Variants in CNTN1 observed in about 807,000 individuals in gnomAD.
The protein encoded by CNTN1 is contactin-1.
A neutral mutation model predicts 126.4 loss-of-function variants in CNTN1; 38 were observed. That is an observed-to-expected ratio of 0.30 (90% confidence interval 0.23 to 0.39). The LOEUF is 0.39. Ranked by LOEUF, CNTN1 falls within the 10% of genes least tolerant of loss-of-function variation. The pLI is 1.00. For missense variants in CNTN1, 1,009 were observed against 1,248.4 expected, an observed-to-expected ratio of 0.81 and a Z score of 2.89; for synonymous variants, 413 against 422.6, an observed-to-expected ratio of 0.98 and a Z score of 0.28.
chr12:40,871,206 A>AC (rs1943480793), intron 1 of CNTN1, among the ~76,000 whole-genome samples: 2 of 110,780 alleles, frequency 1.8e-5, no homozygotes, highest in Admixed American at 8.5e-5. Context: ...AAAAAAAAAA[A>AC]AAAAAAAACA....
intron 1 of CNTN1, among the ~76,000 whole-genome samples, chr12:40,717,466 AT>A (rs775341798): frequency 4.9e-4 from 74 of 152,170 alleles, no homozygotes; most frequent in Admixed American, 3.3e-3. Context: ...CGACCTAAAA[AT>A]TTTTTTCTTC....
intron 1 of CNTN1, among the ~76,000 whole-genome samples, chr12:40,798,139 A>G (rs372247536): frequency 6.6e-6 from 1 of 151,992 alleles, no homozygotes; most frequent in African/African-American, 2.4e-5. Flanking sequence ...AAAAATTCTT[A>G]TCCTTCAAAC....
chr12:41,039,985 A>G (rs977894811), intron 23 of CNTN1, among the ~76,000 whole-genome samples: 1 of 152,112 alleles, frequency 6.6e-6, no homozygotes, highest in Non-Finnish European at 1.5e-5. Flanking sequence ...AAATATAACT[A>G]AAGAACAATT....
intron 1 of CNTN1, among the ~76,000 whole-genome samples, chr12:40,898,413 T>C (rs1297442293): frequency 1.3e-5 from 2 of 152,210 alleles, no homozygotes; most frequent in Non-Finnish European, 2.9e-5. Context: ...AATGCATTTC[T>C]TGGTCTTCGA....
At chr12:41,058,346 A>T (rs1033000960) in intron 23 of CNTN1, among the ~76,000 whole-genome samples, 3 of 152,158 alleles carry the variant, frequency 2.0e-5, no homozygotes, top group Admixed American at 2.0e-4. Flanking sequence ...AGTCTTGAAA[A>T]GAGAAAAAGC....
At chr12:40,816,934 A>G (rs79694408) in intron 1 of CNTN1, among the ~76,000 whole-genome samples, 1 of 152,304 alleles carries the variant, frequency 6.6e-6, no homozygotes, top group Admixed American at 6.5e-5. Flanking sequence ...CAGGTTGTTC[A>G]ACTCCCATGA....
intron 1 of CNTN1, among the ~76,000 whole-genome samples, chr12:40,868,473 G>T (rs558137231): frequency 6.6e-6 from 1 of 152,038 alleles, no homozygotes; most frequent in South Asian, 2.1e-4. Context: ...AGGAACAGTC[G>T]CTATAATAAT....
At chr12:40,872,318 A>G (rs1943531417) in intron 1 of CNTN1, among the ~76,000 whole-genome samples, 2 of 150,450 alleles carry the variant, frequency 1.3e-5, no homozygotes, top group East Asian at 2.0e-4. Context: ...AAAAACTTTT[A>G]GTGTATAGTT....
At chr12:40,712,080 T>G (rs1377653988) in intron 1 of CNTN1, among the ~76,000 whole-genome samples, 3 of 152,174 alleles carry the variant, frequency 2.0e-5, no homozygotes, top group East Asian at 3.8e-4. Flanking sequence ...GAATTCACTC[T>G]ATACCTCTGA....
At chr12:40,872,185 T>C (rs1943521005) in intron 1 of CNTN1, among the ~76,000 whole-genome samples, 1 of 149,718 alleles carries the variant, frequency 6.7e-6, no homozygotes, top group African/African-American at 2.5e-5. Flanking sequence ...CTTAAGAGAT[T>C]TCGGTAGGGT....
At chr12:40,889,316 A>T (rs1435328144) in intron 1 of CNTN1, among the ~76,000 whole-genome samples, 2 of 152,248 alleles carry the variant, frequency 1.3e-5, no homozygotes, top group Non-Finnish European at 2.9e-5. Flanking sequence ...CAAAATTGTT[A>T]AGAGTCAAAT....
chr12:40,910,865 T>C (rs1486656486), intron 3 of CNTN1, among the ~76,000 whole-genome samples: 1 of 152,032 alleles, frequency 6.6e-6, no homozygotes, highest in Non-Finnish European at 1.5e-5. Flanking sequence ...CATTGCATGA[T>C]GGTAGGAGAA....
Position 41,025,230 on chromosome 12 carries a change from C to G in CNTN1, c.2604C>G (p.Leu868=), listed in dbSNP as rs145610308. ...QVTSQEYSAR[L]ENLLPDTQYF... ...CCAGCCAAGAGTACTCGGCCAGGCT[C>G]GAGAACCTTCTGCCAGACACCCAGT... Residue 868 remains leucine, a synonymous_variant, in exon 21 of 24, where the codon CTC becomes CTG. Coordinates refer to ENST00000551295, the MANE Select transcript of CNTN1 (RefSeq NM_001843.4). 6.2e-7 allele frequency: 1 copy of G among 1,613,844 alleles called. No individual in the cohort carries two copies. Among genetic ancestry groups the G allele is most frequent in the South Asian group, 1.1e-5 (1 of 91,078 alleles).
intron 15 of CNTN1, chr12:40,972,152 A>G: frequency 2.0e-6 from 2 of 985,430 alleles, no homozygotes; most frequent in Non-Finnish European, 2.4e-6. Flanking sequence ...TCATCTGAGT[A>G]GCAAGATTTT....
intron 10 of CNTN1, among the ~76,000 whole-genome samples, chr12:40,937,211 A>G (rs1946112072): frequency 2.0e-5 from 3 of 151,020 alleles, no homozygotes; most frequent in Admixed American, 2.0e-4. Context: ...TCTTGCCACT[A>G]TTTTCCTGTA....
chr12:41,004,371 T>A (rs1948440186), intron 17 of CNTN1, among the ~76,000 whole-genome samples: 1 of 152,242 alleles, frequency 6.6e-6, no homozygotes, highest in African/African-American at 2.4e-5. Context: ...ATGTGCTCAA[T>A]TCTTGAGCAT....
Position 41,014,285 on chromosome 12 carries a change from C to T in CNTN1, c.2171C>T (p.Thr724Ile). The T allele has an allele frequency of 1.9e-6, 3 of 1,613,896 alleles. No homozygotes were observed. Among genetic ancestry groups the T allele is most frequent in the Non-Finnish European group, 2.5e-6 (3 of 1,179,832 alleles). The change falls in exon 18 of 24, where the codon ACC becomes ATC. Residue 724 changes from threonine (T) to isoleucine (I), a missense_variant. Thr to Ile is a moderately conservative substitution (Grantham distance 89). Transcript: ENST00000551295. ...GGAGGTGGAAGAAACAGAGAGCTGA[C>T]CATAACATGGGCGGTAAGTATTGAT... ...GGGGGRNREL[T>I]ITWAPLSREY...
chr12:41,028,369 C>A (rs899279514), intron 22 of CNTN1, among the ~76,000 whole-genome samples: 1 of 152,038 alleles, frequency 6.6e-6, no homozygotes, highest in Non-Finnish European at 1.5e-5. Context: ...AGTTGTAGAG[C>A]AGAATCAGAT....
rs1303178654 is a variant in CNTN1, at chr12:40,830,373, C to CATATTAG, written c.-76-77980_-76-77979insTAGATAT. Among the ~76,000 whole-genome samples the CATATTAG allele has an allele frequency of 9.9e-5, 15 of 151,636 alleles. 1 individual carries two copies. Among genetic ancestry groups the CATATTAG allele is most frequent in the Admixed American group, 9.9e-4 (15 of 15,212 alleles). On this transcript the variant is annotated intron_variant, in intron 1 of 23. Coordinates refer to ENST00000551295, the MANE Select transcript of CNTN1 (RefSeq NM_001843.4). ...GTTTAGATAGTGATTATTATGGCAA[C>CATATTAG]ATATAATCGTATTAGATATAATTGG... is the stretch of plus-strand genomic sequence containing the variant.
Sources: gnomAD v4.1 joint callset for allele counts (sites outside exome capture counted in the v4.1 genomes callset) on GRCh38, gnomAD v4.1.1 for gene constraint, MANE v1.5 for transcripts, NCBI Gene and HGNC (gene_info 2026-07-23, HGNC 2026-07-21) for gene names.